The following CACNB2 variants were observed in gnomAD, a reference collection of about 807,000 sequenced individuals.
CACNB2 encodes voltage-dependent L-type calcium channel subunit beta-2.
Under a neutral mutation model 73.3 loss-of-function variants are expected in CACNB2, and 42 were observed. The ratio of observed to expected loss-of-function variants is 0.57; its 90% confidence interval spans 0.45 to 0.74. The LOEUF (loss-of-function observed/expected upper bound fraction) is 0.74, where lower values mean the gene tolerates loss of function less well. CACNB2 is among the 30% of genes least tolerant of loss of function. The pLI is 0.00. For synonymous variants in CACNB2, 348 were observed against 310.3 expected (o/e 1.12, Z -1.28); for missense variants, 940 against 853.0 (o/e 1.10, Z -1.27).
chr10:18,317,916 C>T lies in CACNB2; in HGVS notation c.214-84008C>T, dbSNP rs146222186. Among the ~76,000 whole-genome samples the T allele has an allele frequency of 2.5e-3, 376 of 152,250 alleles. 1 individual carries two copies. The highest frequency in any genetic ancestry group is 8.6e-3 in the African/African-American group (359 of 41,556). ...TATTTTAACCTAGGAATACAGCTTACAAGGGACCTGAAGTACCTCTTCAAG... is the reference window on the plus strand; with the variant it reads ...TATTTTAACCTAGGAATACAGCTTATAAGGGACCTGAAGTACCTCTTCAAG... On this transcript the variant is annotated intron_variant, in intron 2 of 13. Transcript: ENST00000324631.
At chr10:18,520,320 C>G (rs912147443) in intron 9 of CACNB2, among the ~76,000 whole-genome samples, 1 of 152,196 alleles carries the variant, frequency 6.6e-6, no homozygotes, top group African/African-American at 2.4e-5. Flanking sequence ...CTTGACTGTT[C>G]TTTCTCTCTT....
Position 18,450,249 on chromosome 10 carries a change from G to A in CACNB2, c.334-48106G>A, listed in dbSNP as rs546527980. Among the ~76,000 whole-genome samples, 21 of 152,222 alleles carry A rather than the reference G, an allele frequency of 1.4e-4. 1 individual carries two copies. In the South Asian group the frequency reaches 3.9e-3, roughly 29 times the overall value. On this transcript the variant is annotated intron_variant, in intron 3 of 13. Transcript: ENST00000324631. Reference sequence around the variant, plus strand: ...AAAGTGCATGTTTACTAAATCACAGGGTTTGAGTTGAGGAAAACACTACCG... The same window carrying A: ...AAAGTGCATGTTTACTAAATCACAGAGTTTGAGTTGAGGAAAACACTACCG...
intron 4 of CACNB2, among the ~76,000 whole-genome samples, chr10:18,499,569 T>G (rs1008396807): frequency 3.1e-5 from 4 of 129,182 alleles, no homozygotes; most frequent in Non-Finnish European, 6.7e-5. Flanking sequence ...GAGCCGAGAT[T>G]GCGCCACTGC....
At chr10:18,148,156 G>A (rs2031179551) in intron 1 of CACNB2, among the ~76,000 whole-genome samples, 2 of 151,968 alleles carry the variant, frequency 1.3e-5, no homozygotes, top group Non-Finnish European at 2.9e-5. Flanking sequence ...ACAGAATAGA[G>A]ATATAATGAA....
intron 3 of CACNB2, among the ~76,000 whole-genome samples, chr10:18,444,319 C>T (rs2046627640): frequency 6.6e-6 from 1 of 152,146 alleles, no homozygotes; most frequent in South Asian, 2.1e-4. Context: ...CAGTCGAGTG[C>T]AAAGAGCCAG....
chr10:18,487,883 G>GTT (rs2049152221), intron 3 of CACNB2, among the ~76,000 whole-genome samples: 2 of 151,602 alleles, frequency 1.3e-5, no homozygotes, highest in Non-Finnish European at 2.9e-5. Context: ...TGGTCTCATA[G>GTT]TTTATAAAAT....
intron 2 of CACNB2, among the ~76,000 whole-genome samples, chr10:18,157,599 C>T (rs973051157): frequency 5.3e-5 from 8 of 152,152 alleles, no homozygotes; most frequent in South Asian, 2.1e-4. Flanking sequence ...TCTGTCTCCC[C>T]GTTTCACAGA....
At chr10:18,386,089 A>G (rs1165189915) in intron 2 of CACNB2, among the ~76,000 whole-genome samples, 1 of 152,224 alleles carries the variant, frequency 6.6e-6, no homozygotes, top group Non-Finnish European at 1.5e-5. Flanking sequence ...CCACACTAAC[A>G]GTGCATTCGC....
intron 2 of CACNB2, chr10:18,401,087 A>G: frequency 6.2e-7 from 1 of 1,614,186 alleles, no homozygotes; most frequent in Non-Finnish European, 8.5e-7. Flanking sequence ...AGGCTGAAGA[A>G]TTCTGATATC....
chr10:18,506,730 C>G (rs930227413), intron 6 of CACNB2, among the ~76,000 whole-genome samples, 183 bp downstream of exon 6: 1 of 152,102 alleles, frequency 6.6e-6, no homozygotes, highest in African/African-American at 2.4e-5. Context: ...TTTTTTCTGG[C>G]TGGAAAAAGA....
In CACNB2 at chr10:18,425,321, C is replaced by T. The variant is rs534688396; in HGVS notation, c.333+23278C>T. Among the ~76,000 whole-genome samples, 32 of 152,198 alleles carry T rather than the reference C, an allele frequency of 2.1e-4. No homozygotes were observed. In the East Asian group the frequency reaches 3.7e-3, roughly 17 times the overall value. On this transcript the variant is annotated intron_variant, in intron 3 of 13. Transcript: ENST00000324631. ...TAGCATTCTTAATACCAATCAAGTC[C>T]GATGTATCTATCTTTTCTGTCACTA...
chr10:18,494,665 A>G (rs911412897), intron 3 of CACNB2, among the ~76,000 whole-genome samples: 31 of 151,386 alleles, frequency 2.0e-4, no homozygotes, highest in African/African-American at 7.0e-4. Flanking sequence ...GAAAAGAAAC[A>G]TCTGAAAGAT....
At chr10:18,289,373 C>T (rs1249814463) in intron 2 of CACNB2, among the ~76,000 whole-genome samples, 1 of 147,608 alleles carries the variant, frequency 6.8e-6, no homozygotes, top group Non-Finnish European at 1.5e-5. Context: ...CGGCTCACTG[C>T]AAGCTCCGCC....
At chr10:18,281,979 CAAAAAAA>C (rs10542258) in intron 2 of CACNB2, among the ~76,000 whole-genome samples, 11 of 69,952 alleles carry the variant, frequency 1.6e-4, no homozygotes, top group African/African-American at 6.1e-4. Flanking sequence ...GACTCCATCT[CAAAAAAA>C]AAAAAAAAAA....
At chr10:18,451,576 C>T (rs566142348) in intron 3 of CACNB2, among the ~76,000 whole-genome samples, 80 of 152,252 alleles carry the variant, frequency 5.3e-4, no homozygotes, top group African/African-American at 1.9e-3. Context: ...TGTGTTTTTC[C>T]GATAAACACA....
Position 18,177,886 on chromosome 10 carries a change from C to T in CACNB2, c.213+26911C>T, listed in dbSNP as rs577287277. 3.9e-5 allele frequency among the ~76,000 whole-genome samples: 6 copies of T among 152,298 alleles called. No individual in the cohort carries two copies. The South Asian group carries it at 1.0e-3, about 26-fold the overall frequency. ...TGACTCAGTTTCTAAGCTTAACTTTCCATTTGGCATAGTGAGTTTGGGGTG... is the reference window on the plus strand; with the variant it reads ...TGACTCAGTTTCTAAGCTTAACTTTTCATTTGGCATAGTGAGTTTGGGGTG... On this transcript the variant is annotated intron_variant, in intron 2 of 13. Coordinates refer to ENST00000324631, the MANE Select transcript of CACNB2 (RefSeq NM_201596.3).
At chr10:18,241,543 C>T (rs1164363334) in intron 2 of CACNB2, among the ~76,000 whole-genome samples, 2 of 151,324 alleles carry the variant, frequency 1.3e-5, no homozygotes, top group African/African-American at 4.9e-5. Context: ...TGTAAGAAAC[C>T]TGCATGTTAT....
intron 3 of CACNB2, among the ~76,000 whole-genome samples, chr10:18,466,067 C>G (rs1401261575): frequency 2.6e-5 from 4 of 152,140 alleles, no homozygotes; most frequent in African/African-American, 9.7e-5. Context: ...CAACACTTGA[C>G]AAACACATAC....
intron 3 of CACNB2, among the ~76,000 whole-genome samples, chr10:18,432,450 CTGTGTGTG>C (rs57188373): frequency 5.7e-4 from 85 of 150,366 alleles, no homozygotes; most frequent in South Asian, 1.7e-3. Context: ...GTGTGTGTCT[CTGTGTGTG>C]TGTGTGTGTG....
Sources: allele counts gnomAD v4.1 joint callset (sites outside exome capture counted in the v4.1 genomes callset), GRCh38; gene constraint gnomAD v4.1.1; transcripts MANE v1.5; gene names NCBI Gene and HGNC (gene_info 2026-07-23, HGNC 2026-07-21).